Variants in TEX101 observed in about 807,000 individuals in gnomAD.
TEX101 encodes the protein testis expressed 101, also known as testis-expressed protein 101.
Under a neutral mutation model 18.1 loss-of-function variants are expected in TEX101, and 10 were observed. That is an observed-to-expected ratio of 0.55 (90% CI 0.34 to 0.94). TEX101 has a LOEUF of 0.94. Among genes scored for constraint, TEX101 ranks in the 40% least tolerant of loss-of-function variants. TEX101 has a pLI of 0.02. For synonymous variants in TEX101, 94 were observed against 114.8 expected, an observed-to-expected ratio of 0.82 and a Z score of 1.16; for missense variants, 259 against 298.9, an observed-to-expected ratio of 0.87 and a Z score of 0.98.
upstream of TEX101, among the ~76,000 whole-genome samples, chr19:43,413,231 G>C (rs562730561): frequency 3.3e-5 from 5 of 152,188 alleles, no homozygotes; most frequent in Non-Finnish European, 7.3e-5. Flanking sequence ...GAATTGGCCA[G>C]GCGTGGTGGC....
At chr19:43,414,625 G>T (rs1052666846), upstream of TEX101, among the ~76,000 whole-genome samples, 3 of 152,138 alleles carry the variant, frequency 2.0e-5, no homozygotes, top group African/African-American at 7.2e-5. Flanking sequence ...AAGAGAAATG[G>T]GCCAGGCGAG....
chr19:43,410,841 T>A (rs1027677056), upstream of TEX101, among the ~76,000 whole-genome samples: 1 of 151,696 alleles, frequency 6.6e-6, no homozygotes, highest in African/African-American at 2.4e-5. Context: ...TGAACACACA[T>A]AGCCAATTAT....
intron 2 of TEX101, among the ~76,000 whole-genome samples, chr19:43,404,086 T>TTC (rs60101359): frequency 3.8e-5 from 5 of 130,970 alleles, no homozygotes. Context: ...TTTTTTTTTT[T>TTC]GGAAAAAAAA....
At chr19:43,406,059 A>T (rs905113476) in intron 2 of TEX101, among the ~76,000 whole-genome samples, 2 of 137,020 alleles carry the variant, frequency 1.5e-5, no homozygotes, top group Admixed American at 1.6e-4. Flanking sequence ...AGCCCGGACA[A>T]CATAAGGAGA....
chr19:43,402,912 T>C (rs1331037793), intron 2 of TEX101: 1 of 152,172 alleles, frequency 6.6e-6, no homozygotes, highest in East Asian at 1.9e-4. Context: ...GTTTTTATTA[T>C]ATTGGGTGGA....
chr19:43,414,888 G>GT (rs2122344847), upstream of TEX101: 1 of 985,478 alleles, frequency 1.0e-6, no homozygotes, highest in East Asian at 1.1e-4. Flanking sequence ...GCCTTGCGTC[G>GT]TAAGAGAATG....
chr19:43,397,365 A>G (rs1202317243), upstream of TEX101, among the ~76,000 whole-genome samples: 1 of 152,030 alleles, frequency 6.6e-6, no homozygotes, highest in Non-Finnish European at 1.5e-5. Flanking sequence ...TACTCTTTGT[A>G]TAACTGGACC....
At chr19:43,392,253 G>C in the TEX101 span, among the ~76,000 whole-genome samples, 1 of 152,102 alleles carries the variant, frequency 6.6e-6, no homozygotes, top group Non-Finnish European at 1.5e-5. Context: ...AGAACTCAAA[G>C]AGCCAGAGCC....
upstream of TEX101, among the ~76,000 whole-genome samples, chr19:43,398,364 C>A (rs1046523248): frequency 6.7e-6 from 1 of 148,778 alleles, no homozygotes; most frequent in East Asian, 2.0e-4. Flanking sequence ...CAACCTCCAC[C>A]TCCTGGATTC....
At chr19:43,397,329 G>GT (rs1394909735), upstream of TEX101, among the ~76,000 whole-genome samples, 6 of 152,068 alleles carry the variant, frequency 3.9e-5, no homozygotes, top group Admixed American at 3.9e-4. Flanking sequence ...TGCACTTGCT[G>GT]TCCTGTGCCT....
At chr19:43,408,497 AAAAT>A (rs149674380) in intron 3 of TEX101, among the ~76,000 whole-genome samples, 4 of 152,082 alleles carry the variant, frequency 2.6e-5, no homozygotes, top group South Asian at 2.1e-4. Flanking sequence ...CCTCCTCTTA[AAAAT>A]AAATAAATAA....
the TEX101 span, among the ~76,000 whole-genome samples, chr19:43,392,145 A>G: frequency 1.1e-4 from 16 of 152,206 alleles, no homozygotes; most frequent in Middle Eastern, 3.4e-3. Flanking sequence ...AGAGAAATAC[A>G]GGGGTGGAGA....
upstream of TEX101, among the ~76,000 whole-genome samples, chr19:43,399,881 T>G (rs1490226259): frequency 6.6e-6 from 1 of 150,910 alleles, no homozygotes; most frequent in Non-Finnish European, 1.5e-5. Context: ...AATGGTATGA[T>G]CTCAGGTCAC....
upstream of TEX101, among the ~76,000 whole-genome samples, chr19:43,413,455 T>G (rs946453009): frequency 6.8e-6 from 1 of 147,810 alleles, no homozygotes; most frequent in African/African-American, 2.5e-5. Flanking sequence ...TGAGCCGAGA[T>G]TGCACCACTG....
intron 3 of TEX101, chr19:43,406,668 G>A (rs556131608): frequency 1.7e-6 from 1 of 573,836 alleles, no homozygotes; most frequent in Admixed American, 3.4e-5. Flanking sequence ...CGCTAGATGG[G>A]GAGACTGGGA....
At chr19:43,406,281 C>G (rs931504066) in exon 3 of TEX101, 7 of 526,050 alleles carry the variant, frequency 1.3e-5, no homozygotes, top group African/African-American at 1.2e-4. Context: ...CAGGAGCAAC[C>G]GTGACCCTCT....
At chr19:43,408,412 C>G (rs2355986) in intron 3 of TEX101, among the ~76,000 whole-genome samples, 52,161 of 152,086 alleles carry the variant, frequency 0.34, 9,452 homozygotes, top group East Asian at 0.72. Context: ...GCGGCCTCGC[C>G]TGTGGCCATC....
chr19:43,408,758 G>A (rs1970393408), intron 3 of TEX101, among the ~76,000 whole-genome samples: 3 of 152,102 alleles, frequency 2.0e-5, no homozygotes, highest in African/African-American at 7.2e-5. Flanking sequence ...GCTTCAGCGA[G>A]GCCTCACAGT....
chr19:43,400,459 C>A (rs1191986239), upstream of TEX101, among the ~76,000 whole-genome samples: 4 of 152,264 alleles, frequency 2.6e-5, no homozygotes, highest in African/African-American at 9.6e-5. Context: ...TATCTCTTTT[C>A]TCTGGCCCTG....
Sources: gnomAD v4.1 joint callset for allele counts (sites outside exome capture counted in the v4.1 genomes callset) on GRCh38, gnomAD v4.1.1 for gene constraint, MANE v1.5 for transcripts, NCBI Gene and HGNC (gene_info 2026-07-23, HGNC 2026-07-21) for gene names.